Variants in ZBTB49 observed in about 807,000 individuals in gnomAD.
ZBTB49 encodes the protein zinc finger and BTB domain-containing protein 49.
In ZBTB49, 43 loss-of-function variants were observed where a neutral mutation model predicts 57.5. That is an observed-to-expected ratio of 0.75 (90% CI 0.59 to 0.97). The LOEUF (loss-of-function observed/expected upper bound fraction) is 0.97. ZBTB49 is among the 50% of genes least tolerant of loss of function. The pLI, the probability that ZBTB49 is intolerant of heterozygous loss-of-function variation, is 0.00. For missense variants in ZBTB49, 938 were observed against 947.7 expected (o/e 0.99, Z 0.13); for synonymous variants, 369 against 362.1 (o/e 1.02, Z -0.22).
intron 4 of ZBTB49, among the ~76,000 whole-genome samples, chr4:4,310,187 A>C (rs1056196985): frequency 2.0e-5 from 3 of 152,228 alleles, no homozygotes; most frequent in Non-Finnish European, 4.4e-5. Context: ...TTTTTCTGTT[A>C]AAAATTCTAA....
chr4:4,303,760 C>CTCTCTCTCTGTGTGTGTGTGTGTG (rs1223289249), intron 3 of ZBTB49, among the ~76,000 whole-genome samples: 3 of 121,322 alleles, frequency 2.5e-5, no homozygotes, highest in African/African-American at 1.0e-4. Flanking sequence ...CTCTCTCTCT[C>CTCTCTCTCTGTGTGTGTGTGTGTG]TGTGTGTGTG....
At position 4,321,590 on chromosome 4, in the gene ZBTB49, G is replaced by A. The variant is rs565427324; in HGVS notation, c.*274G>A. On this transcript the variant is annotated 3_prime_UTR_variant, in exon 8 of 8. Transcript: ENST00000337872. ...TCTCAGCAGCCTCAGCTGTGGGGGG[G>A]AAGCGCGTGTGCATCGTGTCAACTA... is the stretch of plus-strand genomic sequence containing the variant. 4 of 510,926 alleles carry A rather than the reference G, an allele frequency of 7.8e-6. No homozygotes were observed. Among genetic ancestry groups the A allele is most frequent in the Non-Finnish European group, 1.0e-5 (3 of 287,510 alleles). The allele number at this position is 510,926 out of a possible 1,614,324, so 31.6% of individuals were successfully genotyped here.
intron 7 of ZBTB49, among the ~76,000 whole-genome samples, chr4:4,319,796 C>T (rs774928961): frequency 4.1e-4 from 63 of 151,846 alleles, no homozygotes; most frequent in Admixed American, 1.1e-3. Context: ...CCAGCCTGGG[C>T]GCCTCACTCC....
rs747278768 is a variant in ZBTB49, at chr4:4,320,655, G to C, written c.1637G>C (p.Gly546Ala). 6.2e-6 allele frequency: 10 copies of C among 1,613,834 alleles called. No homozygotes were observed. Among genetic ancestry groups the C allele is most frequent in the African/African-American group, 1.3e-5 (1 of 74,922 alleles). Reference sequence around the variant, plus strand: ...CTTTTTCCAGGGAAATGTTTTGGGGGATCAGGTGACCTCCGCAGGCATGTC... The same window carrying C: ...CTTTTTCCAGGGAAATGTTTTGGGGCATCAGGTGACCTCCGCAGGCATGTC... The part of the protein sequence containing the change: ...SCSACGKCFG[G>A]SGDLRRHVRT... The change falls in exon 8 of 8, where the codon GGA becomes GCA. Residue 546 changes from glycine to alanine, a missense_variant. By Grantham distance (60) the Gly-to-Ala change is moderately conservative. Coordinates refer to ENST00000337872, the MANE Select transcript of ZBTB49 (RefSeq NM_145291.4).
intron 4 of ZBTB49, among the ~76,000 whole-genome samples, chr4:4,312,623 A>G (rs1721020820): frequency 6.6e-6 from 1 of 152,270 alleles, no homozygotes; most frequent in Non-Finnish European, 1.5e-5. Flanking sequence ...AGAAAGAAAC[A>G]ATACTGAAAT....
intron 4 of ZBTB49, among the ~76,000 whole-genome samples, chr4:4,310,174 TA>T (rs929960849): frequency 6.6e-6 from 1 of 152,240 alleles, no homozygotes; most frequent in Non-Finnish European, 1.5e-5. Flanking sequence ...CTCTACAGCA[TA>T]GTTTTTCTGT....
In ZBTB49 at chr4:4,292,090, T is replaced by C. The variant is rs529221083; in HGVS notation, c.-20+1738T>C. 3.3e-3 allele frequency among the ~76,000 whole-genome samples: 502 copies of C among 151,984 alleles called. 4 individuals are homozygous for C. The highest frequency in any genetic ancestry group is 0.012 in the African/African-American group (480 of 41,440). On this transcript the variant is annotated intron_variant, in intron 1 of 7. Coordinates refer to ENST00000337872, the MANE Select transcript of ZBTB49 (RefSeq NM_145291.4). ...GAGTTTGACACCAGCCTGGCCAACATGGTGAGACCCCCACCCCTCGTCCTT... is the reference window on the plus strand; with the variant it reads ...GAGTTTGACACCAGCCTGGCCAACACGGTGAGACCCCCACCCCTCGTCCTT...
At chr4:4,303,760 C>CTCTCTCTCTCTCTGTGTGTGTG (rs1223289249) in intron 3 of ZBTB49, among the ~76,000 whole-genome samples, 4,076 of 120,806 alleles carry the variant, frequency 0.034, 131 homozygotes, top group Non-Finnish European at 0.043. Context: ...CTCTCTCTCT[C>CTCTCTCTCTCTCTGTGTGTGTG]TGTGTGTGTG....
intron 7 of ZBTB49, 100 bp downstream of exon 7, chr4:4,316,070 T>G: frequency 2.1e-6 from 3 of 1,440,906 alleles, no homozygotes; most frequent in Non-Finnish European, 2.8e-6. Context: ...ATGAGCCCTT[T>G]GTTTCCTCCT....
chr4:4,302,667 G>A lies in ZBTB49; in HGVS notation c.831G>A (p.Leu277=), dbSNP rs1432684734. 6.2e-7 allele frequency: 1 copy of A among 1,610,442 alleles called. No homozygotes were observed. Among genetic ancestry groups the A allele is most frequent in the East Asian group, 2.2e-5 (1 of 44,824 alleles). ...ESPEHLPSNF[L]AQPVNDSAPH... ...CCGAGCACTTACCTTCCAACTTCCT[G>A]GCCCAGCCTGTGAATGACTCTGCCC... is the stretch of plus-strand genomic sequence containing the variant. Residue 277 remains leucine (L), a synonymous_variant, in exon 3 of 8, where the codon CTG becomes CTA. Transcript: ENST00000337872.
intron 1 of ZBTB49, among the ~76,000 whole-genome samples, chr4:4,294,338 A>G (rs116205855): frequency 6.6e-6 from 1 of 152,052 alleles, no homozygotes; most frequent in African/African-American, 2.4e-5. Flanking sequence ...TTAGAGAACT[A>G]TACAAAATGA....
At chr4:4,316,901 G>C (rs1721215246) in intron 7 of ZBTB49, among the ~76,000 whole-genome samples, 1 of 152,212 alleles carries the variant, frequency 6.6e-6, no homozygotes, top group Non-Finnish European at 1.5e-5. Context: ...AGCCTACTGT[G>C]GTGGCGTTCG....
intron 1 of ZBTB49, 136 bp from the exon 2 acceptor site, chr4:4,299,778 TGTGTGTGTGTGTG>T (rs1383292559): frequency 1.7e-5 from 9 of 518,612 alleles, no homozygotes; most frequent in South Asian, 5.1e-5. Context: ...GAAACAGAGG[TGTGTGTGTGTGTG>T]TGTGTGTGTG....
At chr4:4,310,773 C>T (rs1449569454) in intron 4 of ZBTB49, among the ~76,000 whole-genome samples, 1 of 151,954 alleles carries the variant, frequency 6.6e-6, no homozygotes. Flanking sequence ...CCTGCCTCAG[C>T]CTCCCAAAGT....
In ZBTB49 at chr4:4,300,022, A is replaced by T; in HGVS notation, c.77A>T (p.Asp26Val). The T allele has an allele frequency of 6.2e-7, 1 of 1,614,164 alleles. No homozygotes were observed. The highest frequency in any genetic ancestry group is 8.5e-7 in the Non-Finnish European group (1 of 1,180,038). Residue 26 changes from aspartate to valine, a missense_variant, in exon 2 of 8, where the codon GAC (aspartate) becomes GTC (valine). Coordinates refer to ENST00000337872, the MANE Select transcript of ZBTB49 (RefSeq NM_145291.4). ...HEQRIQGLLC[D>V]CMLVVKGVCF... ...CAGCGAATCCAAGGCCTGCTTTGTGACTGTATGTTGGTGGTAAAAGGAGTC... is the reference window on the plus strand; with the variant it reads ...CAGCGAATCCAAGGCCTGCTTTGTGTCTGTATGTTGGTGGTAAAAGGAGTC...
chr4:4,307,314 C>G (rs1189388690), intron 4 of ZBTB49, among the ~76,000 whole-genome samples: 2 of 152,190 alleles, frequency 1.3e-5, no homozygotes, highest in African/African-American at 4.8e-5. Context: ...GCTCGTCCCT[C>G]CAGCCGCCAT....
At chr4:4,291,869 G>A (rs867384353) in intron 1 of ZBTB49, among the ~76,000 whole-genome samples, 1 of 152,168 alleles carries the variant, frequency 6.6e-6, no homozygotes, top group African/African-American at 2.4e-5. Flanking sequence ...GGTGGCTCAC[G>A]CCTGTAATCC....
At chr4:4,309,602 A>G (rs1720897142) in intron 4 of ZBTB49, among the ~76,000 whole-genome samples, 1 of 152,216 alleles carries the variant, frequency 6.6e-6, no homozygotes, top group African/African-American at 2.4e-5. Flanking sequence ...GGGTTTTGAG[A>G]GGCAGTACTC....
At chr4:4,299,844 G>T in intron 1 of ZBTB49, 83 bp from the exon 2 acceptor site, 9 of 1,228,766 alleles carry the variant, frequency 7.3e-6, no homozygotes, top group South Asian at 1.4e-5. Flanking sequence ...GTGAAGCACA[G>T]ATCAATCAGT....
Sources: allele counts gnomAD v4.1 joint callset (sites outside exome capture counted in the v4.1 genomes callset), GRCh38; gene constraint gnomAD v4.1.1; transcripts MANE v1.5; gene names NCBI Gene and HGNC (gene_info 2026-07-23, HGNC 2026-07-21).